COL24A1: variants seen among roughly 807,000 people sequenced by gnomAD.
COL24A1 encodes the protein collagen alpha-1(XXIV) chain.
COL24A1 carries 224 observed loss-of-function variants against 253.9 expected under a neutral mutation model. The ratio of observed to expected loss-of-function variants is 0.88; its 90% CI spans 0.79 to 0.99. COL24A1 has a LOEUF of 0.99. COL24A1 is among the 50% of genes least tolerant of loss of function. The pLI, the probability that COL24A1 is intolerant of heterozygous loss-of-function variation, is 0.00. For synonymous variants in COL24A1, 685 were observed against 673.7 expected, an observed-to-expected ratio of 1.02 and a Z score of -0.26; for missense variants, 2,131 against 2,068.5, an observed-to-expected ratio of 1.03 and a Z score of -0.59.
chr1:85,961,236 A>G lies in COL24A1; in HGVS notation c.2562+13T>C, dbSNP rs6669581. 18 of 1,572,776 alleles carry G rather than the reference A, an allele frequency of 1.1e-5. No homozygotes were observed. The highest frequency in any genetic ancestry group is 5.0e-5 in the Admixed American group (3 of 59,532). On this transcript the variant is annotated intron_variant, in intron 24 of 59. Transcript: ENST00000370571. Reference sequence around the variant, plus strand: ...ACAGCTGATTAAAAAATAAGAGCATAAAATAAGCTTACTGTTTCACCAATT... The same window carrying G: ...ACAGCTGATTAAAAAATAAGAGCATGAAATAAGCTTACTGTTTCACCAATT...
chr1:85,771,844 A>G (rs1390824945), intron 53 of COL24A1, among the ~76,000 whole-genome samples: 1 of 149,388 alleles, frequency 6.7e-6, no homozygotes, highest in Non-Finnish European at 1.5e-5. Flanking sequence ...ACATGTGCAC[A>G]TTGTGCAGGT....
intron 47 of COL24A1, among the ~76,000 whole-genome samples, chr1:85,792,032 A>C (rs1428522178): frequency 6.6e-6 from 1 of 152,164 alleles, no homozygotes; most frequent in African/African-American, 2.4e-5. Flanking sequence ...TTACTTAATT[A>C]TATTTTTAAT....
intron 27 of COL24A1, among the ~76,000 whole-genome samples, chr1:85,907,751 CTATT>C (rs780274292): frequency 2.6e-4 from 40 of 151,616 alleles, no homozygotes; most frequent in Non-Finnish European, 4.6e-4. Flanking sequence ...GATTAAGTTG[CTATT>C]TATTATTAAG....
chr1:85,885,397 A>ATATATATATATTTTTTTT (rs60994639), intron 32 of COL24A1, among the ~76,000 whole-genome samples: 4 of 128,902 alleles, frequency 3.1e-5, no homozygotes, highest in Non-Finnish European at 6.4e-5. Flanking sequence ...ATATATATAT[A>ATATATATATATTTTTTTT]TTTTTTTTTT....
At chr1:85,906,369 C>A (rs949295162) in intron 28 of COL24A1, among the ~76,000 whole-genome samples, 2 of 146,106 alleles carry the variant, frequency 1.4e-5, no homozygotes, top group African/African-American at 2.5e-5. Flanking sequence ...AGGCATAACA[C>A]AGAATCCTTA....
intron 52 of COL24A1, among the ~76,000 whole-genome samples, chr1:85,776,522 G>A (rs940082291): frequency 6.6e-6 from 1 of 151,606 alleles, no homozygotes; most frequent in African/African-American, 2.4e-5. Context: ...CATCTTTTCT[G>A]TAACCTGAAT....
At chr1:85,987,726 C>T (rs589698) in intron 19 of COL24A1, 72 bp from the exon 20 acceptor site, 365,291 of 1,327,672 alleles carry the variant, frequency 0.28, 50,910 homozygotes, top group Non-Finnish European at 0.29. Flanking sequence ...ATAAAATTCC[C>T]TTTGCTATTC....
chr1:86,004,686 GT>G (rs1695765850), intron 19 of COL24A1, among the ~76,000 whole-genome samples: 1 of 152,104 alleles, frequency 6.6e-6, no homozygotes, highest in African/African-American at 2.4e-5. Flanking sequence ...ACTGTATTCT[GT>G]GCTTCCTTCA....
Position 86,023,022 on chromosome 1 carries a change from G to A in COL24A1, c.2050-15C>T. The A allele has an allele frequency of 6.2e-7, 1 of 1,609,658 alleles. No homozygotes were observed. On this transcript the variant is annotated splice_polypyrimidine_tract_variant and intron_variant, in intron 14 of 59. Transcript: ENST00000370571. The stretch of plus-strand genomic sequence containing the variant: ...CCAACACTGCCCTGGAAAACAGTAA[G>A]AAAGAAATGCATCATTAAGCATTCA...
intron 12 of COL24A1, among the ~76,000 whole-genome samples, chr1:86,034,825 G>T (rs1698874678): frequency 6.6e-6 from 1 of 151,864 alleles, no homozygotes; most frequent in South Asian, 2.1e-4. Context: ...TTTCTCTAAA[G>T]ATTTACCATT....
intron 19 of COL24A1, among the ~76,000 whole-genome samples, chr1:86,007,857 A>G (rs489267): frequency 0.18 from 27,629 of 152,080 alleles, 3,193 homozygotes; most frequent in African/African-American, 0.32. Flanking sequence ...TTAGGGCAGT[A>G]AAAATACTCT....
Position 86,112,744 on chromosome 1 carries a change from T to G in COL24A1, c.1546-124A>C, listed in dbSNP as rs577792856. ...ACTTGAGTTTTTGCTTATGTTATTATGTATGCCTTAAAGACCTACTTACTT... is the reference window on the plus strand; with the variant it reads ...ACTTGAGTTTTTGCTTATGTTATTAGGTATGCCTTAAAGACCTACTTACTT... On this transcript the variant is annotated intron_variant, in intron 4 of 59. Transcript: ENST00000370571. The G allele has an allele frequency of 3.7e-5, 30 of 812,196 alleles. No homozygotes were observed. The African/African-American group carries it at 5.0e-4, about 13-fold the overall frequency. The allele number at this position is 812,196 out of a possible 1,614,324, so 50.3% of individuals were successfully genotyped here.
chr1:85,952,711 T>G (rs1690050468), intron 24 of COL24A1, among the ~76,000 whole-genome samples: 1 of 152,244 alleles, frequency 6.6e-6, no homozygotes, highest in African/African-American at 2.4e-5. Context: ...CAATCATTTA[T>G]GTATTCTCGA....
At chr1:86,055,139 C>T (rs901516715) in intron 10 of COL24A1, among the ~76,000 whole-genome samples, 2 of 152,068 alleles carry the variant, frequency 1.3e-5, no homozygotes, top group Admixed American at 6.5e-5. Flanking sequence ...TATAGATTCC[C>T]TAAGGAGGGA....
At chr1:85,930,127 A>C (rs1687674341) in intron 24 of COL24A1, among the ~76,000 whole-genome samples, 1 of 62,806 alleles carries the variant, frequency 1.6e-5, no homozygotes, top group African/African-American at 7.0e-5. Flanking sequence ...ACCCTTCAAA[A>C]AATGAATGAA....
At chr1:85,915,396 T>C (rs923853878) in intron 24 of COL24A1, among the ~76,000 whole-genome samples, 1 of 152,218 alleles carries the variant, frequency 6.6e-6, no homozygotes, top group Non-Finnish European at 1.5e-5. Flanking sequence ...GGAACTATAC[T>C]GGATTTCTAG....
chr1:85,760,378 A>T (rs1393299519), intron 55 of COL24A1, among the ~76,000 whole-genome samples: 2 of 152,106 alleles, frequency 1.3e-5, no homozygotes, highest in Non-Finnish European at 2.9e-5. Context: ...ACACAGGGAG[A>T]GTTTCCCTCC....
At chr1:86,156,076 A>ACT in intron 1 of COL24A1, 2 of 364,722 alleles carry the variant, frequency 5.5e-6, no homozygotes, top group Non-Finnish European at 9.8e-6. Flanking sequence ...GGACCTCGGG[A>ACT]CTCGCGCCAG....
chr1:85,970,076 T>C, intron 22 of COL24A1, 151 bp downstream of exon 22: 1 of 612,570 alleles, frequency 1.6e-6, no homozygotes, highest in Non-Finnish European at 2.7e-6. Flanking sequence ...TTCCAGTTAT[T>C]GGCCTATTTT....
Sources: gnomAD v4.1 joint callset for allele counts (sites outside exome capture counted in the v4.1 genomes callset) on GRCh38, gnomAD v4.1.1 for gene constraint, MANE v1.5 for transcripts, NCBI Gene and HGNC (gene_info 2026-07-23, HGNC 2026-07-21) for gene names.